Variants in SH2B3 observed in about 807,000 individuals in gnomAD.
SH2B3 encodes SH2B adaptor protein 3.
In SH2B3, 43 loss-of-function variants were observed where a neutral mutation model predicts 51.9. The observed-to-expected ratio is 0.83, with a 90% CI of 0.65 to 1.07. The LOEUF is 1.07. Ranked by LOEUF, SH2B3 falls within the 50% of genes least tolerant of loss-of-function variation. The pLI, the probability that SH2B3 is intolerant of heterozygous loss-of-function variation, is 0.00. For missense variants in SH2B3, 952 were observed against 834.3 expected (o/e 1.14, Z -1.74); for synonymous variants, 396 against 376.0 (o/e 1.05, Z -0.62).
rs1359036556 is a variant in SH2B3, at chr12:111,438,764, C to T, written c.733-7989C>T. Among the ~76,000 whole-genome samples, 4 of 152,150 alleles carry T rather than the reference C, an allele frequency of 2.6e-5. No homozygotes were observed. The highest frequency in any genetic ancestry group is 4.8e-5 in the African/African-American group (2 of 41,432). On this transcript the variant is annotated intron_variant, in intron 2 of 7. Transcript: ENST00000341259. This position sits in a 1 kb window ranked among gnomAD's most constrained non-coding sequence, Gnocchi z 4.2. ...GATACTGTGGTCAGGGAGGGCCTCC[C>T]TGAGGAGATGACACTTTGAAAAGCA...
In SH2B3 at chr12:111,447,105, C is replaced by T. The variant is rs185411916; in HGVS notation, c.927-20C>T. 647 of 1,612,132 alleles carry T rather than the reference C, an allele frequency of 4.0e-4. 7 individuals are homozygous for T. In the Admixed American group the frequency reaches 8.1e-3, roughly 20 times the overall value. ...CCCCTGACCTGCCCAGATCCTTAAC[C>T]TCAGCCTCTTCTCCAGCAGGCTGGA... is the stretch of plus-strand genomic sequence containing the variant. On this transcript the variant is annotated intron_variant, in intron 4 of 7. Transcript: ENST00000341259.
At chr12:111,419,024 T>A in intron 2 of SH2B3, 147 bp downstream of exon 2, 2 of 744,568 alleles carry the variant, frequency 2.7e-6, no homozygotes, top group Non-Finnish European at 1.9e-6. Context: ...AAAAAAGAAC[T>A]TTTAGGCCGA....
At chr12:111,442,314 C>T (rs1873490329) in intron 2 of SH2B3, among the ~76,000 whole-genome samples, 1 of 152,138 alleles carries the variant, frequency 6.6e-6, no homozygotes, top group South Asian at 2.1e-4. Context: ...TAGTGTCCTG[C>T]CCAAGGTTTC....
At position 111,435,868 on chromosome 12, in the gene SH2B3, G is replaced by A. The variant is rs998125869; in HGVS notation, c.733-10885G>A. On this transcript the variant is annotated intron_variant, in intron 2 of 7. Transcript: ENST00000341259. The surrounding 1 kb of genome is among the most constrained non-coding windows in gnomAD (Gnocchi z 4.8). Reference sequence around the variant, plus strand: ...CAGTGGGGGCAGGAAGGATTCCTATGGGGACAGCTGGGAGCAGGATGTGGT... The same window carrying A: ...CAGTGGGGGCAGGAAGGATTCCTATAGGGACAGCTGGGAGCAGGATGTGGT... Among the ~76,000 whole-genome samples, 6 of 152,210 alleles carry A rather than the reference G, an allele frequency of 3.9e-5. No individual in the cohort carries two copies. Among genetic ancestry groups the A allele is most frequent in the Admixed American group, 2.6e-4 (4 of 15,286 alleles).
chr12:111,433,507 C>T (rs1872642270), intron 2 of SH2B3, among the ~76,000 whole-genome samples: 2 of 152,182 alleles, frequency 1.3e-5, no homozygotes, highest in Admixed American at 6.5e-5. Context: ...TTGATTGTAG[C>T]CATCCCAGCC....
At chr12:111,434,831 GGT>G in intron 2 of SH2B3, 1 of 1,524,418 alleles carries the variant, frequency 6.6e-7, no homozygotes, top group South Asian at 1.2e-5. Flanking sequence ...CCTGTGACAT[GGT>G]AAACGTTCAG....
intron 2 of SH2B3, among the ~76,000 whole-genome samples, chr12:111,432,211 C>T (rs1221685150): frequency 2.0e-5 from 3 of 151,898 alleles, no homozygotes; most frequent in Admixed American, 1.3e-4. Flanking sequence ...GCCACCACGC[C>T]CGGCTAATTT....
At chr12:111,419,399 G>A (rs909547476) in intron 2 of SH2B3, among the ~76,000 whole-genome samples, 1 of 152,186 alleles carries the variant, frequency 6.6e-6, no homozygotes, top group Admixed American at 6.5e-5. Flanking sequence ...CACTTTGGGA[G>A]GCCAAGGTGG....
rs537881534 is a variant in SH2B3, at chr12:111,406,822, C to G, written c.-28+545C>G. ...CAGTTCCTGCACTGCCGAGGTCGACCGGGCCAGGCCCCCGCATGCTGCTGA... is the reference window on the plus strand; with the variant it reads ...CAGTTCCTGCACTGCCGAGGTCGACGGGGCCAGGCCCCCGCATGCTGCTGA... On this transcript the variant is annotated intron_variant, in intron 1 of 7. Coordinates refer to ENST00000341259, the MANE Select transcript of SH2B3 (RefSeq NM_005475.3). The surrounding 1 kb of genome is among the most constrained non-coding windows in gnomAD (Gnocchi z 5.7). Among the ~76,000 whole-genome samples, 4 of 152,318 alleles carry G rather than the reference C, an allele frequency of 2.6e-5. No individual in the cohort carries two copies. The South Asian group carries it at 8.3e-4, about 32-fold the overall frequency.
Position 111,434,872 on chromosome 12 carries a change from G to C in SH2B3, c.733-11881G>C, listed in dbSNP as rs11065900. On this transcript the variant is annotated intron_variant, in intron 2 of 7. Coordinates refer to ENST00000341259, the MANE Select transcript of SH2B3 (RefSeq NM_005475.3). ...ACAGGAGCTAAAATGATAGTAATGAGAGTCCGTGCCGGGTGGAGCTCAGAA... is the reference window on the plus strand; with the variant it reads ...ACAGGAGCTAAAATGATAGTAATGACAGTCCGTGCCGGGTGGAGCTCAGAA... The C allele has an allele frequency of 0.02, 31,120 of 1,535,250 alleles. 4,985 individuals are homozygous for C. The African/African-American group carries it at 0.36, about 18-fold the overall frequency.
chr12:111,443,544 T>A (rs1168668365), intron 2 of SH2B3: 3 of 152,274 alleles, frequency 2.0e-5, no homozygotes, highest in African/African-American at 7.2e-5. Flanking sequence ...GTTGTCCCTG[T>A]CTTGTAATTA....
chr12:111,424,415 G>A (rs58982895), intron 2 of SH2B3, among the ~76,000 whole-genome samples: 15,916 of 152,090 alleles, frequency 0.1, 2,806 homozygotes, highest in African/African-American at 0.36. Flanking sequence ...TTTTGACTTC[G>A]GGCGGAGAGC....
intron 2 of SH2B3, among the ~76,000 whole-genome samples, chr12:111,439,117 T>C (rs1241096263): frequency 6.6e-6 from 1 of 151,898 alleles, no homozygotes; most frequent in Non-Finnish European, 1.5e-5. Flanking sequence ...GGACTACAGG[T>C]ACCTGCCACC....
At chr12:111,434,820 G>A in intron 2 of SH2B3, 1 of 1,519,798 alleles carries the variant, frequency 6.6e-7, no homozygotes, top group Non-Finnish European at 8.8e-7. Flanking sequence ...GTGTGTCAAG[G>A]CCTGTGACAT....
rs754926967 is a variant in SH2B3 at position 111,446,904 on chromosome 12, T to A, written c.835-38T>A. 1.9e-6 allele frequency: 3 copies of A among 1,605,066 alleles called. No individual in the cohort carries two copies. The East Asian group carries it at 6.7e-5, about 36-fold the overall frequency. ...CTGGGGCAATACAAATACATACACA[T>A]ACAGCAGACCCAACCCTGTTCCCTT... On this transcript the variant is annotated intron_variant, in intron 3 of 7. Coordinates refer to ENST00000341259, the MANE Select transcript of SH2B3 (RefSeq NM_005475.3).
At chr12:111,446,210 C>T (rs1194115448) in intron 2 of SH2B3, among the ~76,000 whole-genome samples, 1 of 152,240 alleles carries the variant, frequency 6.6e-6, no homozygotes, top group Non-Finnish European at 1.5e-5. Flanking sequence ...CAGGAAGCAT[C>T]TGCAGGGTCA....
In SH2B3 at chr12:111,407,375, C is replaced by T. The variant is rs541129209; in HGVS notation, c.-28+1098C>T. Among the ~76,000 whole-genome samples the T allele has an allele frequency of 9.8e-5, 15 of 152,334 alleles. No individual in the cohort carries two copies. The highest frequency in any genetic ancestry group is 3.6e-4 in the African/African-American group (15 of 41,564). ...CGAGATCTGACCCGCAGCCCCTCGCCGGGGAGATGACAGTTCCCTAACACC... is the reference window on the plus strand; with the variant it reads ...CGAGATCTGACCCGCAGCCCCTCGCTGGGGAGATGACAGTTCCCTAACACC... On this transcript the variant is annotated intron_variant, in intron 1 of 7. Coordinates refer to ENST00000341259, the MANE Select transcript of SH2B3 (RefSeq NM_005475.3). The surrounding 1 kb of genome is among the most constrained non-coding windows in gnomAD (Gnocchi z 4.3).
chr12:111,428,535 G>A (rs1397262389), intron 2 of SH2B3, among the ~76,000 whole-genome samples: 2 of 152,212 alleles, frequency 1.3e-5, no homozygotes, highest in Non-Finnish European at 2.9e-5. Flanking sequence ...GGCAGGTGAG[G>A]GGCAGCCTCG....
chr12:111,430,879 C>T (rs561303918), intron 2 of SH2B3, among the ~76,000 whole-genome samples: 5 of 152,170 alleles, frequency 3.3e-5, no homozygotes, highest in African/African-American at 1.2e-4. Context: ...GGGTCCCTCC[C>T]CGGGATGGGC....
Sources: allele counts gnomAD v4.1 joint callset (sites outside exome capture counted in the v4.1 genomes callset), GRCh38; gene constraint gnomAD v4.1.1; non-coding constraint Gnocchi (gnomAD v3.1); transcripts MANE v1.5; gene names NCBI Gene and HGNC (gene_info 2026-07-23, HGNC 2026-07-21).